EZR: variants seen among roughly 807,000 people sequenced by gnomAD.
EZR encodes ezrin, also known as cytovillin 2.
A neutral mutation model predicts 74.8 loss-of-function variants in EZR; 40 were observed. That is an observed-to-expected ratio of 0.53 (90% confidence interval 0.42 to 0.70). The LOEUF (loss-of-function observed/expected upper bound fraction) is 0.70, where lower values mean the gene tolerates loss of function less well. EZR is among the 30% of genes least tolerant of loss of function. The probability of loss-of-function intolerance (pLI) is 0.00; values close to 1 mark genes in which losing one functional copy is unlikely to be tolerated. For missense variants in EZR, 678 were observed against 755.8 expected (o/e 0.90, Z 1.21); for synonymous variants, 341 against 283.3 (o/e 1.20, Z -2.05).
chr6:158,773,802 G>C (rs1024815570), intron 8 of EZR, among the ~76,000 whole-genome samples: 1 of 152,234 alleles, frequency 6.6e-6, no homozygotes, highest in African/African-American at 2.4e-5. Context: ...CCAAATTTCA[G>C]ATGCCTCAGA....
At chr6:158,781,675 C>T (rs575664163) in intron 7 of EZR, among the ~76,000 whole-genome samples, 1 of 152,318 alleles carries the variant, frequency 6.6e-6, no homozygotes, top group South Asian at 2.1e-4. Context: ...TGCACTGCTC[C>T]TTGGCATGGC....
chr6:158,769,492 T>C lies in EZR; in HGVS notation c.1252-74A>G, dbSNP rs1283164920. 1.6e-5 allele frequency: 24 copies of C among 1,456,178 alleles called. No individual in the cohort carries two copies. In the Admixed American group the frequency reaches 3.2e-4, roughly 19 times the overall value. The allele number at this position is 1,456,178 out of a possible 1,614,324, so 90.2% of individuals were successfully genotyped here. On this transcript the variant is annotated intron_variant, in intron 11 of 13. Coordinates refer to ENST00000367075, the MANE Select transcript of EZR (RefSeq NM_001111077.2). Reference sequence around the variant, plus strand: ...GAGTCCAGTTGTGAATGAGTGTTCATGTGTGTTGGCAAGCAGTCTCCAACG... The same window carrying C: ...GAGTCCAGTTGTGAATGAGTGTTCACGTGTGTTGGCAAGCAGTCTCCAACG...
chr6:158,793,354 T>C (rs16889194), intron 2 of EZR, among the ~76,000 whole-genome samples: 19,775 of 151,944 alleles, frequency 0.13, 1,380 homozygotes, highest in African/African-American at 0.14. Flanking sequence ...CAGTTCTGAT[T>C]TGGGGACACA....
At chr6:158,801,808 T>C (rs1291548199) in intron 2 of EZR, among the ~76,000 whole-genome samples, 1 of 152,168 alleles carries the variant, frequency 6.6e-6, no homozygotes, top group African/African-American at 2.4e-5. Flanking sequence ...TCATGGACAG[T>C]CATACTATTC....
intron 2 of EZR, among the ~76,000 whole-genome samples, chr6:158,817,436 C>T (rs1341764808): frequency 2.0e-5 from 3 of 152,220 alleles, no homozygotes; most frequent in African/African-American, 4.8e-5. Context: ...GTGCTCGGCC[C>T]GGCCTGCCAG....
intron 4 of EZR, 40 bp from the exon 5 acceptor site, chr6:158,785,623 G>A: frequency 6.2e-7 from 1 of 1,603,806 alleles, no homozygotes; most frequent in East Asian, 2.2e-5. Context: ...AAATCCGGAA[G>A]ACGAAGGCCC....
intron 8 of EZR, among the ~76,000 whole-genome samples, chr6:158,775,294 G>A (rs1175300316): frequency 1.3e-5 from 2 of 152,068 alleles, no homozygotes; most frequent in Non-Finnish European, 2.9e-5. Flanking sequence ...AGCCTCCCAA[G>A]GTCCTGGGAT....
At chr6:158,791,924 G>T (rs1375005434) in intron 2 of EZR, among the ~76,000 whole-genome samples, 1 of 151,786 alleles carries the variant, frequency 6.6e-6, no homozygotes, top group South Asian at 2.1e-4. Flanking sequence ...TAGCCAGGAT[G>T]GTCTCAATCT....
In EZR at chr6:158,766,407, C is replaced by T. The variant is rs553173289; in HGVS notation, c.*507G>A. On this transcript the variant is annotated 3_prime_UTR_variant, in exon 14 of 14. Transcript: ENST00000367075. ...GTGGAGTGACGGGAGGAGGGAATCA[C>T]TGTGTGTGCGAGAGTGCTTCAGACT... 2 of 151,526 alleles carry T rather than the reference C, an allele frequency of 1.3e-5. No homozygotes were observed. Among genetic ancestry groups the T allele is most frequent in the African/African-American group, 4.8e-5 (2 of 41,328 alleles). The allele number at this position is 151,526 out of a possible 1,614,324, so 9.4% of individuals were successfully genotyped here.
intron 7 of EZR, among the ~76,000 whole-genome samples, chr6:158,778,834 G>A (rs533423868): frequency 1.3e-5 from 2 of 152,270 alleles, no homozygotes; most frequent in Non-Finnish European, 2.9e-5. Context: ...CCCAAAGACC[G>A]AAACACATAT....
In EZR at chr6:158,818,107, TG is replaced by T; in HGVS notation, c.-15del. 6.2e-7 allele frequency: 1 copy of T among 1,607,812 alleles called. No individual in the cohort carries two copies. Among genetic ancestry groups the T allele is most frequent in the Non-Finnish European group, 8.5e-7 (1 of 1,175,848 alleles). Reference sequence around the variant, plus strand: ...TGGTTTCGGCATTTTCGGTTTCTGGTGAGTATCCTCGATCCCCGAAAACACG... The same window carrying T: ...TGGTTTCGGCATTTTCGGTTTCTGGTAGTATCCTCGATCCCCGAAAACACG... On this transcript the variant is annotated 5_prime_UTR_variant, in exon 2 of 14. Transcript: ENST00000367075.
chr6:158,818,291 A>G, intron 1 of EZR, 125 bp from the exon 2 acceptor site: 1 of 400,210 alleles, frequency 2.5e-6, no homozygotes, highest in Non-Finnish European at 4.4e-6. Context: ...CGGGTGAGTC[A>G]GCGCCCCGCC....
intron 7 of EZR, among the ~76,000 whole-genome samples, 200 bp downstream of exon 7, chr6:158,783,320 C>A (rs1301504645): frequency 6.7e-6 from 1 of 150,044 alleles, no homozygotes; most frequent in Non-Finnish European, 1.5e-5. Context: ...CCCCGCCCAC[C>A]ATGAGAGAGG....
intron 2 of EZR, among the ~76,000 whole-genome samples, chr6:158,790,089 T>C (rs1403584760): frequency 6.6e-6 from 1 of 152,164 alleles, no homozygotes; most frequent in Non-Finnish European, 1.5e-5. Flanking sequence ...TGAAGCAACC[T>C]TAGAAACCAT....
Position 158,770,520 on chromosome 6 carries a change from A to C in EZR, c.1090+244T>G, listed in dbSNP as rs545309452. On this transcript the variant is annotated intron_variant, in intron 10 of 13. Transcript: ENST00000367075. Reference sequence around the variant, plus strand: ...CCTCATCGGGGAAACTGGGTGATTGAGCACTTACCGCAAAAGACTAGGGAA... The same window carrying C: ...CCTCATCGGGGAAACTGGGTGATTGCGCACTTACCGCAAAAGACTAGGGAA... Among the ~76,000 whole-genome samples, 6 of 152,344 alleles carry C rather than the reference A, an allele frequency of 3.9e-5. No homozygotes were observed. The East Asian group carries it at 1.2e-3, about 29-fold the overall frequency.
At chr6:158,801,207 C>T (rs1480858666) in intron 2 of EZR, among the ~76,000 whole-genome samples, 3 of 152,178 alleles carry the variant, frequency 2.0e-5, no homozygotes, top group African/African-American at 2.4e-5. Context: ...CTCCACCTCC[C>T]GGGTTCAAGC....
intron 2 of EZR, among the ~76,000 whole-genome samples, chr6:158,813,169 C>T (rs988245933): frequency 1.3e-5 from 2 of 152,204 alleles, no homozygotes; most frequent in East Asian, 3.9e-4. Context: ...TGTGAAACCC[C>T]AAACTCACAC....
intron 6 of EZR, 142 bp from the exon 7 acceptor site, chr6:158,783,808 C>T (rs897830879): frequency 5.1e-5 from 46 of 898,462 alleles, no homozygotes; most frequent in Non-Finnish European, 6.2e-5. Flanking sequence ...AGGCAGGGGC[C>T]GGGCAGCCGA....
At chr6:158,818,675 G>A (rs1403526580) in intron 1 of EZR, among the ~76,000 whole-genome samples, 5 of 151,620 alleles carry the variant, frequency 3.3e-5, no homozygotes. Flanking sequence ...AGAAGAGGGG[G>A]CGCGGGCCCA....
Sources: gnomAD v4.1 joint callset for allele counts (sites outside exome capture counted in the v4.1 genomes callset) on GRCh38, gnomAD v4.1.1 for gene constraint, MANE v1.5 for transcripts, NCBI Gene and HGNC (gene_info 2026-07-23, HGNC 2026-07-21) for gene names.